The following MAPK10 variants were observed in gnomAD, a reference collection of about 807,000 sequenced individuals.
MAPK10 encodes mitogen-activated protein kinase 10.
A neutral mutation model predicts 59.3 loss-of-function variants in MAPK10; 25 were observed. The observed-to-expected ratio is 0.42, with a 90% CI of 0.31 to 0.59. The LOEUF (loss-of-function observed/expected upper bound fraction) is 0.59, where lower values mean the gene tolerates loss of function less well. Ranked by LOEUF, MAPK10 falls within the 20% of genes least tolerant of loss-of-function variation. The pLI is 0.15. For synonymous variants in MAPK10, 190 were observed against 200.5 expected (o/e 0.95, Z 0.44); for missense variants, 351 against 568.9 (o/e 0.62, Z 3.90).
intron 1 of MAPK10, among the ~76,000 whole-genome samples, chr4:86,415,463 G>C (rs886662834): frequency 2.0e-5 from 3 of 152,118 alleles, no homozygotes; most frequent in East Asian, 3.8e-4. Context: ...TAGGAAAAAC[G>C]GGTATTGTGA....
chr4:86,207,348 G>C (rs919051006), intron 2 of MAPK10, among the ~76,000 whole-genome samples: 11 of 151,964 alleles, frequency 7.2e-5, no homozygotes, highest in African/African-American at 1.2e-4. Context: ...TCAAAGATCA[G>C]ATAGTTGTAG....
At chr4:86,462,758 C>G (rs1043568668) in intron 1 of MAPK10, among the ~76,000 whole-genome samples, 3 of 152,132 alleles carry the variant, frequency 2.0e-5, no homozygotes, top group Non-Finnish European at 4.4e-5. Flanking sequence ...ATGGGGAGCA[C>G]AAGTTCTAAT....
intron 2 of MAPK10, among the ~76,000 whole-genome samples, chr4:86,331,910 G>A (rs2096164478): frequency 1.3e-5 from 2 of 152,094 alleles, no homozygotes; most frequent in Admixed American, 1.3e-4. Flanking sequence ...CCAAATTGAT[G>A]CTTTAGCTGC....
At chr4:86,122,621 A>G (rs2059441817) in intron 4 of MAPK10, among the ~76,000 whole-genome samples, 1 of 152,144 alleles carries the variant, frequency 6.6e-6, no homozygotes, top group South Asian at 2.1e-4. Flanking sequence ...ATTGAGTGGA[A>G]AGTTTGCTCA....
rs35357476 is a variant in MAPK10 at position 86,191,553 on chromosome 4, C to CTTTTTTTTTTTTTTTTTTTTTTTTTTTTT, written c.66+2754_66+2782dup. On this transcript the variant is annotated intron_variant, in intron 3 of 13. Coordinates refer to ENST00000641462, the MANE Select transcript of MAPK10 (RefSeq NM_138982.4). Reference sequence around the variant, plus strand: ...TCAGAGACTAGGATTACAACCCGTGCTTTTTTTTTTTTTTTTTTTTTTTTT... The same window carrying CTTTTTTTTTTTTTTTTTTTTTTTTTTTTT: ...TCAGAGACTAGGATTACAACCCGTGCTTTTTTTTTTTTTTTTTTTTTTTTTTTTTTTTTTTTTTTTTTTTTTTTTTTTTT... The CTTTTTTTTTTTTTTTTTTTTTTTTTTTTT allele has an allele frequency of 6.6e-5, 2 of 30,370 alleles. 1 individual carries two copies. Among genetic ancestry groups the CTTTTTTTTTTTTTTTTTTTTTTTTTTTTT allele is most frequent in the Non-Finnish European group, 2.3e-4 (2 of 8,628 alleles). 1.9% of individuals were successfully genotyped at this position (30,370 alleles called of 1,614,324 possible).
chr4:86,066,451 C>A (rs1173150403), intron 10 of MAPK10, among the ~76,000 whole-genome samples: 1 of 151,950 alleles, frequency 6.6e-6, no homozygotes, highest in Non-Finnish European at 1.5e-5. Flanking sequence ...CAAATCTATC[C>A]ATTTTTCTGC....
At chr4:86,506,701 C>T (rs1755764250) in intron 1 of MAPK10, among the ~76,000 whole-genome samples, 1 of 152,078 alleles carries the variant, frequency 6.6e-6, no homozygotes, top group South Asian at 2.1e-4. Flanking sequence ...ACTACTGGAG[C>T]CTAATCTAGC....
chr4:86,585,875 TTTAAA>T (rs2149114785), intron 1 of MAPK10, among the ~76,000 whole-genome samples: 1 of 152,348 alleles, frequency 6.6e-6, no homozygotes, highest in Non-Finnish European at 1.5e-5. Context: ...GTGATGCCTG[TTTAAA>T]TTAAATGCTC....
At chr4:86,388,127 A>C (rs1395803810) in intron 1 of MAPK10, among the ~76,000 whole-genome samples, 2 of 151,858 alleles carry the variant, frequency 1.3e-5, no homozygotes, top group Non-Finnish European at 2.9e-5. Context: ...GAATACTTAA[A>C]GAACCACAAT....
chr4:86,189,173 A>G (rs535160890), intron 3 of MAPK10, among the ~76,000 whole-genome samples: 2 of 152,334 alleles, frequency 1.3e-5, no homozygotes, highest in Admixed American at 1.3e-4. Context: ...GAAGTCAGGT[A>G]GCATGATGCC....
chr4:86,351,849 A>C (rs1731684329), intron 2 of MAPK10, among the ~76,000 whole-genome samples: 1 of 152,218 alleles, frequency 6.6e-6, no homozygotes, highest in South Asian at 2.1e-4. Flanking sequence ...GTGAGAACTC[A>C]ATAAGTGTTA....
intron 2 of MAPK10, among the ~76,000 whole-genome samples, chr4:86,216,156 A>G (rs1043334816): frequency 6.6e-6 from 1 of 151,786 alleles, no homozygotes; most frequent in African/African-American, 2.4e-5. Context: ...TCTCAAAAAG[A>G]TATTTGTACA....
At chr4:86,032,532 C>A (rs898033237) in intron 11 of MAPK10, 2 of 152,158 alleles carry the variant, frequency 1.3e-5, no homozygotes, top group Non-Finnish European at 1.5e-5. Context: ...AGTGATGCAA[C>A]CCCTTTAGGA....
At chr4:86,256,132 C>T (rs1437241972) in intron 2 of MAPK10, among the ~76,000 whole-genome samples, 3 of 152,162 alleles carry the variant, frequency 2.0e-5, no homozygotes, top group Non-Finnish European at 2.9e-5. Flanking sequence ...ATTTCTCCAT[C>T]TTCTCCCACA....
Position 86,014,220 on chromosome 4 carries a change from T to C in MAPK10, c.*3008A>G, listed in dbSNP as rs1051067569. ...AACCTTCACTTTTTTTCAGGAATATTGTCCAGGTGACTTGACACTTGCCTA... is the reference window on the plus strand; with the variant it reads ...AACCTTCACTTTTTTTCAGGAATATCGTCCAGGTGACTTGACACTTGCCTA... On this transcript the variant is annotated 3_prime_UTR_variant, in exon 14 of 14. Coordinates refer to ENST00000641462, the MANE Select transcript of MAPK10 (RefSeq NM_138982.4). The C allele has an allele frequency of 6.6e-6, 1 of 152,068 alleles. No homozygotes were observed. Among genetic ancestry groups the C allele is most frequent in the South Asian group, 2.1e-4 (1 of 4,826 alleles). 9.4% of individuals were successfully genotyped at this position (152,068 alleles called of 1,614,324 possible).
At chr4:86,503,171 T>G (rs1345396306) in intron 1 of MAPK10, among the ~76,000 whole-genome samples, 1 of 152,142 alleles carries the variant, frequency 6.6e-6, no homozygotes, top group Non-Finnish European at 1.5e-5. Context: ...CCTGATGTTC[T>G]GAATTCTGTT....
At chr4:86,284,302 C>T (rs1010197067) in intron 2 of MAPK10, among the ~76,000 whole-genome samples, 1 of 152,196 alleles carries the variant, frequency 6.6e-6, no homozygotes. Flanking sequence ...TTCTGGCAAG[C>T]CTGACTCTAG....
At chr4:86,208,746 T>G (rs1335825787) in intron 2 of MAPK10, among the ~76,000 whole-genome samples, 2 of 151,894 alleles carry the variant, frequency 1.3e-5, no homozygotes, top group Non-Finnish European at 2.9e-5. Flanking sequence ...CCAGGGCAAT[T>G]AGGCAGGAGA....
At chr4:86,087,369 A>G (rs905067504) in intron 9 of MAPK10, among the ~76,000 whole-genome samples, 12 of 152,280 alleles carry the variant, frequency 7.9e-5, no homozygotes, top group African/African-American at 2.2e-4. Flanking sequence ...CCAAAACTTA[A>G]AGACAATTTC....
Sources: gnomAD v4.1 joint callset for allele counts (sites outside exome capture counted in the v4.1 genomes callset) on GRCh38, gnomAD v4.1.1 for gene constraint, MANE v1.5 for transcripts, NCBI Gene and HGNC (gene_info 2026-07-23, HGNC 2026-07-21) for gene names.